ABI1: variants seen among roughly 807,000 people sequenced by gnomAD.
ABI1 encodes Abelson interactor 1.
A neutral mutation model predicts 54.6 loss-of-function variants in ABI1; 14 were observed. The ratio of observed to expected loss-of-function variants is 0.26; its 90% CI spans 0.17 to 0.40. ABI1 has a LOEUF of 0.40. Ranked by LOEUF, ABI1 falls within the 10% of genes least tolerant of loss-of-function variation. The pLI is 1.00. For synonymous variants in ABI1, 194 were observed against 209.3 expected (o/e 0.93, Z 0.63); for missense variants, 443 against 598.3 (o/e 0.74, Z 2.71).
At chr10:26,812,503 G>C (rs972986682) in intron 2 of ABI1, among the ~76,000 whole-genome samples, 1 of 152,184 alleles carries the variant, frequency 6.6e-6, no homozygotes, top group Non-Finnish European at 1.5e-5. Flanking sequence ...AGGTTCTGGT[G>C]AAAGTTTATA....
rs1372175443 is a variant in ABI1 at position 26,747,079 on chromosome 10, G to T, written c.*1491C>A. The stretch of plus-strand genomic sequence containing the variant: ...GCATATGAAATAGTCACATTGATTT[G>T]GTAGCAATAATGGTCTTTAATTTTC... On this transcript the variant is annotated 3_prime_UTR_variant, in exon 11 of 11. Transcript: ENST00000376140. 3.9e-5 allele frequency: 9 copies of T among 228,368 alleles called. No homozygotes were observed. The highest frequency in any genetic ancestry group is 7.8e-5 in the Non-Finnish European group (9 of 115,062). The allele number at this position is 228,368 out of a possible 1,614,324, so 14.1% of individuals were successfully genotyped here.
At chr10:26,850,908 G>T (rs1171894286) in intron 1 of ABI1, among the ~76,000 whole-genome samples, 1 of 152,062 alleles carries the variant, frequency 6.6e-6, no homozygotes, top group East Asian at 1.9e-4. Flanking sequence ...GAGATGTGTA[G>T]AAAAGAGCCC....
intron 2 of ABI1, among the ~76,000 whole-genome samples, chr10:26,818,713 G>A (rs1160841731): frequency 6.6e-6 from 1 of 151,500 alleles, no homozygotes; most frequent in African/African-American, 2.4e-5. Context: ...AGCCAGGCGT[G>A]GCGACTTATA....
chr10:26,772,914 A>AT (rs1364235822), intron 3 of ABI1, among the ~76,000 whole-genome samples: 14 of 152,066 alleles, frequency 9.2e-5, no homozygotes, highest in African/African-American at 3.1e-4. Flanking sequence ...CTCTTGAAAA[A>AT]AAAAAATAAA....
rs1342758872 is a variant in ABI1 at position 26,763,743 on chromosome 10, T to C, written c.820+1475A>G. The stretch of plus-strand genomic sequence containing the variant: ...AGCCTTTCACCAGAAGTTAGTGATA[T>C]TAGATTTAATACTTTAAACTTTGTA... On this transcript the variant is annotated intron_variant, in intron 7 of 10. Coordinates refer to ENST00000376140, the MANE Select transcript of ABI1 (RefSeq NM_001012750.3). The C allele has an allele frequency of 8.7e-6, 6 of 688,464 alleles. No homozygotes were observed. In the South Asian group the frequency reaches 9.0e-5, roughly 10 times the overall value. 42.6% of individuals were successfully genotyped at this position (688,464 alleles called of 1,614,324 possible).
At position 26,772,916 on chromosome 10, in the gene ABI1, A is replaced by T. The variant is rs149515831; in HGVS notation, c.463-1827T>A. 5.9e-4 allele frequency among the ~76,000 whole-genome samples: 89 copies of T among 152,056 alleles called. 1 individual carries two copies. Among genetic ancestry groups the T allele is most frequent in the Non-Finnish European group, 9.1e-4 (62 of 67,984 alleles). ...GGCGAAACCCCTTCTCTTGAAAAAA[A>T]AAAATAAAAAATTAGCCAGGCATAG... On this transcript the variant is annotated intron_variant, in intron 3 of 10. Transcript: ENST00000376140.
chr10:26,857,643 C>CAA (rs372472533), intron 1 of ABI1, among the ~76,000 whole-genome samples: 26 of 84,398 alleles, frequency 3.1e-4, no homozygotes, highest in African/African-American at 4.0e-4. Flanking sequence ...GACTGTGTCT[C>CAA]AAAAAAAAAA....
At chr10:26,845,044 G>A (rs1459502013) in intron 1 of ABI1, among the ~76,000 whole-genome samples, 1 of 151,990 alleles carries the variant, frequency 6.6e-6, no homozygotes, top group African/African-American at 2.4e-5. Context: ...TTTGAGGGGA[G>A]AGGATAATAG....
chr10:26,848,200 CAAAAAA>C (rs149066426), intron 1 of ABI1, among the ~76,000 whole-genome samples: 1 of 78,674 alleles, frequency 1.3e-5, no homozygotes. Context: ...GACCCTGTCT[CAAAAAA>C]AAAAAAAAAA....
chr10:26,846,137 G>A (rs7090495), intron 1 of ABI1, among the ~76,000 whole-genome samples: 37,587 of 145,190 alleles, frequency 0.26, 5,387 homozygotes, highest in South Asian at 0.45. Context: ...GTGAGACTCC[G>A]TCTCAAAAAA....
intron 1 of ABI1, among the ~76,000 whole-genome samples, chr10:26,851,543 C>G (rs1158974128): frequency 1.3e-5 from 2 of 151,798 alleles, no homozygotes; most frequent in Admixed American, 1.3e-4. Flanking sequence ...AGGTCAGTTA[C>G]TAGATGAGTA....
intron 2 of ABI1, among the ~76,000 whole-genome samples, chr10:26,789,697 G>A (rs1459210366): frequency 6.6e-6 from 1 of 152,066 alleles, no homozygotes; most frequent in Non-Finnish European, 1.5e-5. Context: ...CATGTGTCAT[G>A]GGTGTTTGTT....
rs926594874 is a variant in ABI1, at chr10:26,825,351, C to A, written c.118-2046G>T. Among the ~76,000 whole-genome samples the A allele has an allele frequency of 6.6e-4, 101 of 151,950 alleles. 2 individuals carry two copies. The highest frequency in any genetic ancestry group is 2.3e-3 in the African/African-American group (95 of 41,406). On this transcript the variant is annotated intron_variant, in intron 1 of 10. Transcript: ENST00000376140. ...GGACAGCCTGGGCAACACAGTGAGA[C>A]CCTGTCTCTGAAAAAAAAATTTTTT... is the stretch of plus-strand genomic sequence containing the variant.
chr10:26,775,720 C>T (rs1284599154), intron 3 of ABI1, among the ~76,000 whole-genome samples: 1 of 152,036 alleles, frequency 6.6e-6, no homozygotes, highest in Non-Finnish European at 1.5e-5. Flanking sequence ...CACAATTACT[C>T]GTTGAGGGAT....
intron 1 of ABI1, among the ~76,000 whole-genome samples, chr10:26,847,993 T>G (rs1358326857): frequency 6.7e-6 from 1 of 150,006 alleles, no homozygotes; most frequent in Non-Finnish European, 1.5e-5. Context: ...AGCTCAGGAG[T>G]TCAAGACCAG....
intron 1 of ABI1, among the ~76,000 whole-genome samples, chr10:26,830,446 A>G (rs1006931627): frequency 6.6e-6 from 1 of 151,956 alleles, no homozygotes; most frequent in African/African-American, 2.4e-5. Context: ...ACATAGTGAC[A>G]CCCTGTCTCT....
In ABI1 at chr10:26,817,430, C is replaced by A. The variant is rs181903277; in HGVS notation, c.285+5708G>T. Among the ~76,000 whole-genome samples the A allele has an allele frequency of 9.2e-5, 14 of 152,282 alleles. No individual in the cohort carries two copies. The East Asian group carries it at 1.5e-3, about 17-fold the overall frequency. On this transcript the variant is annotated intron_variant, in intron 2 of 10. Transcript: ENST00000376140. ...AAAATTATTTTAGCAAAGTTCCAAT[C>A]TATATCAATTTTGTCCTAAAATCTA...
intron 1 of ABI1, among the ~76,000 whole-genome samples, chr10:26,830,526 G>A (rs1299826213): frequency 1.3e-5 from 2 of 151,762 alleles, no homozygotes; most frequent in African/African-American, 2.4e-5. Flanking sequence ...AGCTTGAGGT[G>A]GGAGGATCAG....
intron 2 of ABI1, among the ~76,000 whole-genome samples, chr10:26,811,680 A>C (rs976660194): frequency 6.6e-6 from 1 of 152,102 alleles, no homozygotes; most frequent in Non-Finnish European, 1.5e-5. Flanking sequence ...CATCCTTTTA[A>C]AATTCCAATT....
Sources: allele counts gnomAD v4.1 joint callset (sites outside exome capture counted in the v4.1 genomes callset), GRCh38; gene constraint gnomAD v4.1.1; transcripts MANE v1.5; gene names NCBI Gene and HGNC (gene_info 2026-07-23, HGNC 2026-07-21).